The following INVS variants were observed in gnomAD, a reference collection of about 807,000 sequenced individuals.
INVS encodes the protein inversion of embryo turning homolog.
A neutral mutation model predicts 108.8 loss-of-function variants in INVS; 86 were observed. The observed-to-expected ratio is 0.79, with a 90% CI of 0.66 to 0.95. The LOEUF (loss-of-function observed/expected upper bound fraction) is 0.95, where lower values mean the gene tolerates loss of function less well. INVS is among the 40% of genes least tolerant of loss of function. The pLI is 0.00. For synonymous variants in INVS, 455 were observed against 473.5 expected (o/e 0.96, Z 0.51); for missense variants, 1,169 against 1,297.4 (o/e 0.90, Z 1.52).
chr9:100,242,552 T>C lies in INVS; in HGVS notation c.797-18T>C. 7.7e-7 allele frequency: 1 copy of C among 1,297,502 alleles called. No individual in the cohort carries two copies. Among genetic ancestry groups the C allele is most frequent in the Non-Finnish European group, 1.1e-6 (1 of 891,630 alleles). 80.4% of individuals were successfully genotyped at this position (1,297,502 alleles called of 1,614,324 possible). On this transcript the variant is annotated intron_variant, in intron 6 of 16. Coordinates refer to ENST00000262457, the MANE Select transcript of INVS (RefSeq NM_014425.5). ...CATCCTTTATAAGTGATAATTACCT[T>C]TTTGTGTCTTTTCTCAGGCCATGCA...
Position 100,117,531 on chromosome 9 carries a change from C to G in INVS, c.107-8852C>G, listed in dbSNP as rs545220416. 2.9e-5 allele frequency: 30 copies of G among 1,036,392 alleles called. No individual in the cohort carries two copies. The South Asian group carries it at 3.6e-4, about 12-fold the overall frequency. The allele number at this position is 1,036,392 out of a possible 1,614,324, so 64.2% of individuals were successfully genotyped here. On this transcript the variant is annotated intron_variant, in intron 2 of 16. Coordinates refer to ENST00000262457, the MANE Select transcript of INVS (RefSeq NM_014425.5). ...CCCCGTCCACGGCCGCAACCCCGGC[C>G]CCGGATGCCACTGCGGAAACCTCCG...
intron 11 of INVS, 143 bp downstream of exon 11, chr9:100,265,071 T>C (rs923756399): frequency 2.1e-5 from 14 of 671,290 alleles, no homozygotes; most frequent in African/African-American, 9.1e-5. Flanking sequence ...GCCTCCTGAG[T>C]ACCTGGGATT....
At chr9:100,236,028 C>T (rs1831678284) in intron 5 of INVS, among the ~76,000 whole-genome samples, 1 of 152,072 alleles carries the variant, frequency 6.6e-6, no homozygotes, top group South Asian at 2.1e-4. Context: ...GAAATAGTCC[C>T]ATATTTCTTG....
intron 2 of INVS, among the ~76,000 whole-genome samples, chr9:100,124,713 A>G (rs1021081038): frequency 1.1e-4 from 17 of 152,114 alleles, no homozygotes; most frequent in Non-Finnish European, 8.8e-5. Context: ...CTTGTCATAT[A>G]ATTCTAATAT....
At chr9:100,120,222 T>A (rs1827682894) in intron 2 of INVS, among the ~76,000 whole-genome samples, 1 of 152,216 alleles carries the variant, frequency 6.6e-6, no homozygotes, top group Admixed American at 6.5e-5. Flanking sequence ...AGAGCTAAAG[T>A]ATATTCGAGT....
At chr9:100,159,352 G>A (rs1473464094) in intron 3 of INVS, among the ~76,000 whole-genome samples, 1 of 152,220 alleles carries the variant, frequency 6.6e-6, no homozygotes, top group Non-Finnish European at 1.5e-5. Context: ...ATATTCTGCA[G>A]AGATAACCAA....
chr9:100,102,345 AG>A (rs762324134), intron 1 of INVS, among the ~76,000 whole-genome samples: 2 of 152,110 alleles, frequency 1.3e-5, no homozygotes, highest in Non-Finnish European at 2.9e-5. Context: ...TGTTTTTAAA[AG>A]GTTCTTACAA....
intron 3 of INVS, among the ~76,000 whole-genome samples, chr9:100,144,793 G>A (rs1282707027): frequency 6.6e-6 from 1 of 152,070 alleles, no homozygotes; most frequent in East Asian, 1.9e-4. Flanking sequence ...AGATGGGTCT[G>A]TAGAAAAGGA....
rs767583509 is a variant in INVS, at chr9:100,284,471, G to A, written c.1936G>A (p.Ala646Thr). Reference protein sequence around the residue: ...QSRAPSKQPPAGNVAQGPEPR... With the variant: ...QSRAPSKQPPTGNVAQGPEPR... ...CCGGGCCCCCAGCAAGCAGCCTCCTGCTGGCAACGTGGCCCAAGGCCCTGA... is the reference window on the plus strand; with the variant it reads ...CCGGGCCCCCAGCAAGCAGCCTCCTACTGGCAACGTGGCCCAAGGCCCTGA... The change falls in exon 13 of 17, where the codon GCT becomes ACT. Residue 646 changes from alanine to threonine, a missense_variant. Ala to Thr is a moderately conservative substitution (Grantham distance 58, BLOSUM62 0). Around this residue, in one of 3 missense-constraint regions of INVS, gnomAD observed 533 missense variants for 536.0 expected, o/e 0.99. Coordinates refer to ENST00000262457, the MANE Select transcript of INVS (RefSeq NM_014425.5). The A allele has an allele frequency of 6.2e-7, 1 of 1,614,156 alleles. No homozygotes were observed. Among genetic ancestry groups the A allele is most frequent in the South Asian group, 1.1e-5 (1 of 91,080 alleles).
At chr9:100,239,511 C>A (rs1178104854) in intron 5 of INVS, among the ~76,000 whole-genome samples, 1 of 152,042 alleles carries the variant, frequency 6.6e-6, no homozygotes, top group Non-Finnish European at 1.5e-5. Context: ...AATGTTGACA[C>A]CTTTTTAATC....
chr9:100,283,623 C>T (rs1044914799), intron 12 of INVS, among the ~76,000 whole-genome samples: 1 of 152,212 alleles, frequency 6.6e-6, no homozygotes, highest in Non-Finnish European at 1.5e-5. Context: ...CGCCCAGCTA[C>T]TCATCTTTAG....
chr9:100,270,510 C>T lies in INVS; in HGVS notation c.1572-2354C>T, dbSNP rs556992833. On this transcript the variant is annotated intron_variant, in intron 11 of 16. Coordinates refer to ENST00000262457, the MANE Select transcript of INVS (RefSeq NM_014425.5). ...CTGTAATCCCAGCACTTTGGGAGGC[C>T]GAGGTGGTCGGATCACCTGAGGTCA... is the stretch of plus-strand genomic sequence containing the variant. 6.1e-4 allele frequency among the ~76,000 whole-genome samples: 93 copies of T among 151,834 alleles called. 1 individual carries two copies. The South Asian group carries it at 0.017, about 29-fold the overall frequency.
intron 3 of INVS, chr9:100,129,933 C>T: frequency 2.3e-6 from 1 of 434,726 alleles, no homozygotes; most frequent in Non-Finnish European, 4.2e-6. Flanking sequence ...AGAAAGAATG[C>T]AAGAATCTGG....
chr9:100,198,264 A>ATTTTTTTTTTTTTTTTTTTTTTTTTTT (rs66710233), intron 3 of INVS, among the ~76,000 whole-genome samples: 1 of 65,286 alleles, frequency 1.5e-5, no homozygotes, highest in Admixed American at 2.4e-4. Context: ...GAGGGCTAGA[A>ATTTTTTTTTTTTTTTTTTTTTTTTTTT]TTTTTTTTTT....
intron 3 of INVS, among the ~76,000 whole-genome samples, chr9:100,181,542 G>C (rs1326440960): frequency 6.6e-6 from 1 of 152,012 alleles, no homozygotes; most frequent in Non-Finnish European, 1.5e-5. Flanking sequence ...AAAATACCTA[G>C]GAATACAACT....
intron 3 of INVS, among the ~76,000 whole-genome samples, chr9:100,206,510 T>C (rs1169048867): frequency 6.6e-6 from 1 of 152,176 alleles, no homozygotes; most frequent in Non-Finnish European, 1.5e-5. Flanking sequence ...CTACTTTGCC[T>C]TGATATATGG....
At chr9:100,241,825 A>C (rs923036820) in intron 6 of INVS, among the ~76,000 whole-genome samples, 1 of 152,172 alleles carries the variant, frequency 6.6e-6, no homozygotes, top group Non-Finnish European at 1.5e-5. Flanking sequence ...TGCTCTGCTA[A>C]TGGGGCATCT....
intron 3 of INVS, among the ~76,000 whole-genome samples, chr9:100,214,282 G>A (rs1830921553): frequency 6.6e-6 from 1 of 152,128 alleles, no homozygotes; most frequent in Admixed American, 6.5e-5. Flanking sequence ...AGGGAGTTTA[G>A]ACTGACATGC....
In INVS at chr9:100,284,544, T is replaced by C. The variant is rs762112247; in HGVS notation, c.2009T>C (p.Leu670Pro). The part of the protein sequence containing the change: ...GSPGGSLGGA[L>P]QKEQHVSSDL... ...CCAGGAGGGTCTCTAGGCGGAGCCC[T>C]CCAGAAGGAGCAGCATGTTTCCTCA... Residue 670 changes from leucine (L) to proline (P), a missense_variant, in exon 13 of 17, where the codon CTC becomes CCC. Leu to Pro is a moderately conservative substitution (Grantham distance 98). Around this residue, in one of 3 missense-constraint regions of INVS, gnomAD observed 533 missense variants for 536.0 expected, o/e 0.99. Transcript: ENST00000262457. The C allele has an allele frequency of 2.5e-5, 41 of 1,613,810 alleles. No homozygotes were observed. The highest frequency in any genetic ancestry group is 3.3e-5 in the Admixed American group (2 of 59,980).
Sources: gnomAD v4.1 joint callset for allele counts (sites outside exome capture counted in the v4.1 genomes callset) on GRCh38, gnomAD v4.1.1 for gene constraint, gnomAD v4.1.1 regional missense constraint, MANE v1.5 for transcripts, NCBI Gene and HGNC (gene_info 2026-07-23, HGNC 2026-07-21) for gene names.